PKHD1: variants seen among roughly 807,000 people sequenced by gnomAD.
PKHD1 encodes the protein fibrocystin.
A neutral mutation model predicts 412.0 loss-of-function variants in PKHD1; 291 were observed. The ratio of observed to expected loss-of-function variants is 0.71; its 90% CI spans 0.64 to 0.78. The LOEUF is 0.78. Among genes scored for constraint, PKHD1 ranks in the 30% least tolerant of loss-of-function variants. PKHD1 has a pLI of 0.00. For synonymous variants in PKHD1, 1,777 were observed against 1,821.5 expected, an observed-to-expected ratio of 0.98 and a Z score of 0.62; for missense variants, 4,825 against 4,950.7, an observed-to-expected ratio of 0.97 and a Z score of 0.76.
At chr6:51,949,030 T>C (rs1214149676) in intron 36 of PKHD1, among the ~76,000 whole-genome samples, 12 of 152,060 alleles carry the variant, frequency 7.9e-5, no homozygotes, top group African/African-American at 2.9e-4. Flanking sequence ...GATTCTATTT[T>C]TAAACAGAGG....
intron 2 of PKHD1, among the ~76,000 whole-genome samples, chr6:52,083,819 T>C (rs974270105): frequency 2.6e-5 from 4 of 152,110 alleles, no homozygotes; most frequent in African/African-American, 9.7e-5. Context: ...TGTTCCTATT[T>C]CAATTCTCCT....
chr6:51,869,783 AG>A (rs1775681848), intron 47 of PKHD1, among the ~76,000 whole-genome samples: 1 of 123,408 alleles, frequency 8.1e-6, no homozygotes. Context: ...CTGCCTACAT[AG>A]GAAAAAAAAG....
chr6:51,777,308 T>G (rs1225637435), intron 53 of PKHD1, among the ~76,000 whole-genome samples: 1 of 152,094 alleles, frequency 6.6e-6, no homozygotes, highest in African/African-American at 2.4e-5. Context: ...ACATACCTAT[T>G]TTTATAGTTC....
At chr6:51,970,361 T>C (rs765754718) in intron 35 of PKHD1, among the ~76,000 whole-genome samples, 4 of 152,204 alleles carry the variant, frequency 2.6e-5, no homozygotes, top group Non-Finnish European at 5.9e-5. Context: ...TCCTTTGTTG[T>C]ATCTGTAGTT....
At chr6:52,071,706 A>G (rs1005415372) in intron 8 of PKHD1, among the ~76,000 whole-genome samples, 2 of 152,196 alleles carry the variant, frequency 1.3e-5, no homozygotes, top group East Asian at 1.9e-4. Context: ...TTCAAATCCC[A>G]GGTCTGCCAC....
chr6:51,989,925 A>AGGGAGGG (rs1414458188), intron 35 of PKHD1, among the ~76,000 whole-genome samples: 1 of 106,718 alleles, frequency 9.4e-6, no homozygotes, highest in Non-Finnish European at 2.0e-5. Flanking sequence ...GGAAGGAAGG[A>AGGGAGGG]AGGAAGGAAA....
In PKHD1 at chr6:52,045,027, C is replaced by T. The variant is rs1307445542; in HGVS notation, c.2654G>A (p.Gly885Asp). 2 of 1,613,464 alleles carry T rather than the reference C, an allele frequency of 1.2e-6. No individual in the cohort carries two copies. Among genetic ancestry groups the T allele is most frequent in the Non-Finnish European group, 1.7e-6 (2 of 1,179,424 alleles). The change falls in exon 25 of 67, where the codon GGT becomes GAT. Residue 885 changes from glycine (G) to aspartate (D), a missense_variant. Physicochemically the swap from Gly to Asp is moderately conservative, Grantham distance 94 (BLOSUM62 -1). Transcript: ENST00000371117. ...AAATATGGGTCCAAGAAAAACTCCA[C>T]CATCATATACCACACGCGTGGCTGC... Reference protein sequence around the residue: ...PAAATRVVYDGGVFLGPIFGD... With the variant: ...PAAATRVVYDDGVFLGPIFGD...
chr6:51,897,194 T>C (rs972769408), intron 43 of PKHD1, among the ~76,000 whole-genome samples: 1 of 151,916 alleles, frequency 6.6e-6, no homozygotes. Context: ...GAAGAGCAAC[T>C]CCAAGACACA....
rs201455548 is a variant in PKHD1, at chr6:51,883,225, A to T, written c.7218T>A (p.Ile2406=). The T allele has an allele frequency of 6.2e-7, 1 of 1,613,248 alleles. No homozygotes were observed. The highest frequency in any genetic ancestry group is 8.5e-7 in the Non-Finnish European group (1 of 1,179,300). The part of the protein sequence containing the change: ...TVWESAGGAQ[I]FRSSNLRLKN... Reference sequence around the variant, plus strand: ...TCAGGCGAAGATTGCTACTTCTAAAAATCTATAAAATACAGCATGTTACAG... The same window carrying T: ...TCAGGCGAAGATTGCTACTTCTAAATATCTATAAAATACAGCATGTTACAG... Residue 2406 remains isoleucine (I), a splice_region_variant and synonymous_variant, in exon 46 of 67, where the codon ATT becomes ATA. Transcript: ENST00000371117.
Position 51,744,388 on chromosome 6 carries a change from C to A in PKHD1, c.10153G>T (p.Ala3385Ser), listed in dbSNP as rs200762675. ...ATTGCATTCAGATATAGCTTACCTG[C>A]GTTGAAGAAGGATGCAGTCCATTCT... Reference protein sequence around the residue: ...EAEWTASFFNAGTFREEQKCT... With the variant: ...EAEWTASFFNSGTFREEQKCT... The change falls in exon 60 of 67, where the codon GCA becomes TCA. Residue 3385 changes from alanine (A) to serine (S), a missense_variant. Ala to Ser is a moderately conservative substitution (Grantham distance 99). Coordinates refer to ENST00000371117, the MANE Select transcript of PKHD1 (RefSeq NM_138694.4). The A allele has an allele frequency of 3.1e-6, 5 of 1,613,530 alleles. No individual in the cohort carries two copies. The highest frequency in any genetic ancestry group is 1.1e-5 in the South Asian group (1 of 91,074).
chr6:51,771,967 A>G (rs1337432696), intron 55 of PKHD1, among the ~76,000 whole-genome samples: 1 of 152,108 alleles, frequency 6.6e-6, no homozygotes, highest in African/African-American at 2.4e-5. Flanking sequence ...TTATACTATG[A>G]AGATAATGTA....
At chr6:51,764,391 A>T (rs942633544) in intron 55 of PKHD1, among the ~76,000 whole-genome samples, 1 of 147,984 alleles carries the variant, frequency 6.8e-6, no homozygotes, top group African/African-American at 2.5e-5. Context: ...TTAGAATGGC[A>T]ATCATTAAAA....
chr6:51,979,537 TTCTC>T (rs1168602518), intron 35 of PKHD1, among the ~76,000 whole-genome samples: 1 of 151,358 alleles, frequency 6.6e-6, no homozygotes, highest in Non-Finnish European at 1.5e-5. Context: ...CTCTCTGTCT[TTCTC>T]CCTCTCTCTC....
chr6:51,641,563 A>G (rs1769351796), intron 63 of PKHD1, among the ~76,000 whole-genome samples: 1 of 152,228 alleles, frequency 6.6e-6, no homozygotes, highest in Non-Finnish European at 1.5e-5. Flanking sequence ...AAAGCATTAT[A>G]AATCATGCTA....
At chr6:51,671,814 G>T (rs2150507040) in intron 60 of PKHD1, among the ~76,000 whole-genome samples, 1 of 152,220 alleles carries the variant, frequency 6.6e-6, no homozygotes, top group East Asian at 1.9e-4. Flanking sequence ...CCCGTGTGAG[G>T]TGTCAGTCTG....
At chr6:52,071,761 T>C (rs60925623) in intron 8 of PKHD1, among the ~76,000 whole-genome samples, 14,776 of 152,142 alleles carry the variant, frequency 0.097, 845 homozygotes, top group Middle Eastern at 0.21. Flanking sequence ...CTTTTCTGTG[T>C]CTCAAATTCC....
chr6:52,065,137 A>AT (rs1809373271), intron 12 of PKHD1, 87 bp from the exon 13 acceptor site: 1 of 54,544 alleles, frequency 1.8e-5, no homozygotes, highest in Admixed American at 2.6e-4. Context: ...GTATAATTAT[A>AT]TATATATATA....
chr6:51,764,754 C>G (rs1045720232), intron 55 of PKHD1, among the ~76,000 whole-genome samples: 5 of 152,110 alleles, frequency 3.3e-5, no homozygotes, highest in African/African-American at 1.2e-4. Flanking sequence ...GGAACCCTGT[C>G]ATGATCAGCC....
chr6:51,693,473 T>C (rs1252676801), intron 60 of PKHD1, among the ~76,000 whole-genome samples: 1 of 152,250 alleles, frequency 6.6e-6, no homozygotes, highest in Non-Finnish European at 1.5e-5. Flanking sequence ...CCTTGTGAAG[T>C]GGTTTACAAA....
Sources: allele counts gnomAD v4.1 joint callset (sites outside exome capture counted in the v4.1 genomes callset), GRCh38; gene constraint gnomAD v4.1.1; transcripts MANE v1.5; gene names NCBI Gene and HGNC (gene_info 2026-07-23, HGNC 2026-07-21).